Variants in CALN1 observed in about 807,000 individuals in gnomAD.
The protein encoded by CALN1 is calcium-binding protein 8.
In CALN1, 17 loss-of-function variants were observed where a neutral mutation model predicts 30.6. The observed-to-expected ratio is 0.56, with a 90% confidence interval of 0.38 to 0.83. The LOEUF (loss-of-function observed/expected upper bound fraction) is 0.83. CALN1 is among the 40% of genes least tolerant of loss of function. CALN1 has a pLI of 0.00. For synonymous variants in CALN1, 156 were observed against 131.4 expected, an observed-to-expected ratio of 1.19 and a Z score of -1.28; for missense variants, 291 against 354.9, an observed-to-expected ratio of 0.82 and a Z score of 1.45.
At chr7:71,932,830 A>G (rs1176310205) in intron 5 of CALN1, among the ~76,000 whole-genome samples, 1 of 151,748 alleles carries the variant, frequency 6.6e-6, no homozygotes, top group Non-Finnish European at 1.5e-5. Context: ...AAAAAAAAAA[A>G]AAGAGAAGTG....
At chr7:72,454,835 C>CT in the CALN1 span, among the ~76,000 whole-genome samples, 2,836 of 143,766 alleles carry the variant, frequency 0.02, 58 homozygotes, top group African/African-American at 0.048. Context: ...TCTCTGGTCT[C>CT]TTTTTTTTTT....
At chr7:72,201,269 C>T (rs1031917194) in intron 3 of CALN1, among the ~76,000 whole-genome samples, 1 of 152,078 alleles carries the variant, frequency 6.6e-6, no homozygotes, top group Admixed American at 6.6e-5. Context: ...ATACTGGAGA[C>T]TACTGGAGGG....
At chr7:72,369,682 G>A (rs889801273) in intron 2 of CALN1, among the ~76,000 whole-genome samples, 1 of 151,918 alleles carries the variant, frequency 6.6e-6, no homozygotes, top group Non-Finnish European at 1.5e-5. Flanking sequence ...CCTTTCACTC[G>A]TAAGAATTAC....
intron 3 of CALN1, among the ~76,000 whole-genome samples, chr7:72,215,223 C>G (rs1381977440): frequency 6.6e-6 from 1 of 152,096 alleles, no homozygotes; most frequent in African/African-American, 2.4e-5. Flanking sequence ...GGCTACATCA[C>G]CACACCATGT....
In CALN1 at chr7:72,315,994, T is replaced by C. The variant is rs188853940; in HGVS notation, c.120-37184A>G. Among the ~76,000 whole-genome samples the C allele has an allele frequency of 3.4e-3, 519 of 151,558 alleles. 3 individuals are homozygous for C. Among genetic ancestry groups the C allele is most frequent in the Middle Eastern group, 6.8e-3 (2 of 294 alleles). On this transcript the variant is annotated intron_variant, in intron 2 of 6. Coordinates refer to ENST00000395275, the MANE Select transcript of CALN1 (RefSeq NM_031468.4). ...AAACCCCGTCTCTACTAAAAAAAAA[T>C]ACAAAAACTAGCCAGGCATGGTGGC...
intron 2 of CALN1, among the ~76,000 whole-genome samples, chr7:72,287,075 C>T (rs547641656): frequency 6.6e-6 from 1 of 152,246 alleles, no homozygotes; most frequent in East Asian, 1.9e-4. Context: ...AAGAGTATTT[C>T]AAAGAAACAG....
In CALN1 at chr7:72,321,325, A is replaced by G. The variant is rs371685503; in HGVS notation, c.120-42515T>C. Among the ~76,000 whole-genome samples, 5 of 152,328 alleles carry G rather than the reference A, an allele frequency of 3.3e-5. No individual in the cohort carries two copies. In the East Asian group the frequency reaches 5.8e-4, roughly 18 times the overall value. ...TGAGAAAGCAAGAAAAAAGGATCCA[A>G]CGAAATACAACTTATTAGTCATCAC... On this transcript the variant is annotated intron_variant, in intron 2 of 6. Coordinates refer to ENST00000395275, the MANE Select transcript of CALN1 (RefSeq NM_031468.4).
At chr7:71,885,426 A>C (rs1431901848) in intron 5 of CALN1, among the ~76,000 whole-genome samples, 1 of 152,242 alleles carries the variant, frequency 6.6e-6, no homozygotes. Context: ...TGCTGGGATT[A>C]CAGGCGTGAG....
intron 3 of CALN1, among the ~76,000 whole-genome samples, chr7:72,255,044 G>T (rs1426759161): frequency 6.6e-6 from 1 of 151,858 alleles, no homozygotes. Flanking sequence ...ACCCACCTTG[G>T]CCTCTCAAAG....
Position 71,780,631 on chromosome 7 carries a change from T to C in CALN1, c.*7144A>G, listed in dbSNP as rs908822721. On this transcript the variant is annotated 3_prime_UTR_variant, in exon 7 of 7. Coordinates refer to ENST00000395275, the MANE Select transcript of CALN1 (RefSeq NM_031468.4). ...CACCAAAGATCACGACTCTCTTCTTTCTGGGGTATTAGGAATAATTACAAG... is the reference window on the plus strand; with the variant it reads ...CACCAAAGATCACGACTCTCTTCTTCCTGGGGTATTAGGAATAATTACAAG... The C allele has an allele frequency of 2.6e-5, 4 of 152,072 alleles. No individual in the cohort carries two copies. Among genetic ancestry groups the C allele is most frequent in the African/African-American group, 9.7e-5 (4 of 41,382 alleles). 9.4% of individuals were successfully genotyped at this position (152,072 alleles called of 1,614,324 possible). A position where few individuals can be genotyped will look rare whatever the true frequency, so the allele number is the denominator to read the frequency against.
chr7:71,948,617 G>C (rs1250028417), intron 5 of CALN1, among the ~76,000 whole-genome samples: 6 of 151,500 alleles, frequency 4.0e-5, no homozygotes, highest in African/African-American at 1.5e-4. Context: ...TGTAATCCTA[G>C]CTACTTGGGA....
At chr7:72,163,391 T>TAAA (rs1563111506) in intron 3 of CALN1, among the ~76,000 whole-genome samples, 19,939 of 129,562 alleles carry the variant, frequency 0.15, 2,026 homozygotes, top group Non-Finnish European at 0.21. Context: ...TTATTGGAGA[T>TAAA]TAAAAAAAAA....
Position 71,781,133 on chromosome 7 carries a change from G to A in CALN1, c.*6642C>T, listed in dbSNP as rs1562766838. On this transcript the variant is annotated 3_prime_UTR_variant, in exon 7 of 7. Transcript: ENST00000395275. ...GTGAAATCCAGACCCTCTCAGTAGGGAGCATTCACTCCATCTTGTTTCAGA... is the reference window on the plus strand; with the variant it reads ...GTGAAATCCAGACCCTCTCAGTAGGAAGCATTCACTCCATCTTGTTTCAGA... The A allele has an allele frequency of 1.3e-5, 2 of 152,158 alleles. No individual in the cohort carries two copies. The highest frequency in any genetic ancestry group is 1.3e-4 in the Admixed American group (2 of 15,272). The allele number at this position is 152,158 out of a possible 1,614,324, so 9.4% of individuals were successfully genotyped here.
At chr7:72,256,257 G>C (rs1795905051) in intron 3 of CALN1, among the ~76,000 whole-genome samples, 1 of 152,146 alleles carries the variant, frequency 6.6e-6, no homozygotes, top group Admixed American at 6.6e-5. Flanking sequence ...TCAGAAGTCT[G>C]AGACAAGCCT....
At chr7:72,285,115 C>T (rs2203709) in intron 2 of CALN1, among the ~76,000 whole-genome samples, 104,652 of 151,636 alleles carry the variant, frequency 0.69, 36,661 homozygotes, top group East Asian at 1. Context: ...AGTAAAAGAA[C>T]TGAGAGAAAG....
chr7:72,327,915 T>TG (rs1234926689), intron 2 of CALN1, among the ~76,000 whole-genome samples: 4 of 152,128 alleles, frequency 2.6e-5, no homozygotes, highest in Non-Finnish European at 5.9e-5. Context: ...AGAAGAAACT[T>TG]GGAGAGTAAT....
At chr7:72,306,692 G>C (rs1799677997) in intron 2 of CALN1, among the ~76,000 whole-genome samples, 1 of 151,406 alleles carries the variant, frequency 6.6e-6, no homozygotes, top group Non-Finnish European at 1.5e-5. Flanking sequence ...CTATAGCCTA[G>C]AAGCCCCCAT....
chr7:72,133,388 T>C (rs1455951865), intron 3 of CALN1, among the ~76,000 whole-genome samples: 4 of 152,130 alleles, frequency 2.6e-5, no homozygotes, highest in African/African-American at 9.7e-5. Context: ...AAATAGGAAT[T>C]AAAGAGTCCA....
intron 4 of CALN1, among the ~76,000 whole-genome samples, chr7:72,090,036 G>A (rs776416845): frequency 3.3e-5 from 5 of 152,152 alleles, no homozygotes; most frequent in Admixed American, 1.3e-4. Flanking sequence ...ATTGGCTCAC[G>A]CCTGTAATCC....
Sources: allele counts gnomAD v4.1 joint callset (sites outside exome capture counted in the v4.1 genomes callset), GRCh38; gene constraint gnomAD v4.1.1; transcripts MANE v1.5; gene names NCBI Gene and HGNC (gene_info 2026-07-23, HGNC 2026-07-21).